Variants in GRIN2A observed in about 807,000 individuals in gnomAD.
GRIN2A encodes the protein glutamate ionotropic receptor NMDA type subunit 2A.
Under a neutral mutation model 113.4 loss-of-function variants are expected in GRIN2A, and 22 were observed. The ratio of observed to expected loss-of-function variants is 0.19; its 90% CI spans 0.14 to 0.28. The LOEUF (loss-of-function observed/expected upper bound fraction) is 0.28, where lower values mean the gene tolerates loss of function less well. GRIN2A is among the 10% of genes least tolerant of loss of function. The probability of loss-of-function intolerance (pLI) is 1.00; values close to 1 mark genes in which losing one functional copy is unlikely to be tolerated. For missense variants in GRIN2A, 1,502 were observed against 1,887.0 expected (o/e 0.80, Z 3.78); for synonymous variants, 827 against 738.4 (o/e 1.12, Z -1.94).
At chr16:9,879,406 TA>T (rs1165157396) in intron 4 of GRIN2A, among the ~76,000 whole-genome samples, 3 of 151,842 alleles carry the variant, frequency 2.0e-5, no homozygotes, top group East Asian at 1.9e-4. Flanking sequence ...GACTTACACC[TA>T]AAAAAAAATT....
At chr16:9,836,570 C>T (rs1235273500) in intron 7 of GRIN2A, among the ~76,000 whole-genome samples, 1 of 152,126 alleles carries the variant, frequency 6.6e-6, no homozygotes, top group Non-Finnish European at 1.5e-5. Context: ...ACATGTCTCC[C>T]CACTTGGAAT....
At chr16:10,064,195 G>C (rs1206227136) in intron 2 of GRIN2A, among the ~76,000 whole-genome samples, 1 of 152,132 alleles carries the variant, frequency 6.6e-6, no homozygotes, top group Admixed American at 6.5e-5. Context: ...TATTCCTTCA[G>C]AATCAGGGGC....
At chr16:9,945,241 G>A (rs1426924728) in intron 2 of GRIN2A, among the ~76,000 whole-genome samples, 1 of 152,024 alleles carries the variant, frequency 6.6e-6, no homozygotes, top group African/African-American at 2.4e-5. Context: ...GGTGGAGAGA[G>A]GAGCCCCACT....
chr16:9,960,626 T>G (rs2045419855), intron 2 of GRIN2A, among the ~76,000 whole-genome samples: 1 of 152,222 alleles, frequency 6.6e-6, no homozygotes, highest in Non-Finnish European at 1.5e-5. Flanking sequence ...ACTTTATTTT[T>G]ATTTATGTAT....
intron 2 of GRIN2A, among the ~76,000 whole-genome samples, chr16:10,044,198 T>C (rs1234349507): frequency 6.6e-6 from 1 of 151,746 alleles, no homozygotes; most frequent in Non-Finnish European, 1.5e-5. Context: ...CATGCCCAGC[T>C]AATTTTTGTA....
intron 4 of GRIN2A, among the ~76,000 whole-genome samples, chr16:9,871,218 C>T (rs963427688): frequency 1.3e-5 from 2 of 152,104 alleles, no homozygotes; most frequent in Non-Finnish European, 2.9e-5. Flanking sequence ...AACCACCAAG[C>T]CTCATTCACA....
At chr16:10,026,856 G>C (rs3848334) in intron 2 of GRIN2A, among the ~76,000 whole-genome samples, 109,679 of 152,064 alleles carry the variant, frequency 0.72, 41,101 homozygotes, top group Non-Finnish European at 0.84. Flanking sequence ...ACCTCAGGAA[G>C]AACTGCACTT....
At chr16:10,098,762 A>G (rs2048340776) in intron 2 of GRIN2A, among the ~76,000 whole-genome samples, 1 of 152,202 alleles carries the variant, frequency 6.6e-6, no homozygotes, top group South Asian at 2.1e-4. Context: ...AGCTATGAGA[A>G]TGCAAAGGCA....
At chr16:10,144,505 T>A (rs748982123) in intron 2 of GRIN2A, among the ~76,000 whole-genome samples, 1 of 152,236 alleles carries the variant, frequency 6.6e-6, no homozygotes, top group Non-Finnish European at 1.5e-5. Context: ...TTTTTAATTG[T>A]CCATTTAATA....
At chr16:10,173,778 G>A (rs143856583) in intron 2 of GRIN2A, among the ~76,000 whole-genome samples, 3 of 152,222 alleles carry the variant, frequency 2.0e-5, no homozygotes, top group African/African-American at 7.2e-5. Context: ...TGAAAATCAA[G>A]TTTAAGAAGT....
chr16:9,918,175 G>A (rs999099620), intron 3 of GRIN2A, among the ~76,000 whole-genome samples: 2 of 152,098 alleles, frequency 1.3e-5, no homozygotes, highest in African/African-American at 2.4e-5. Context: ...ATATTTAGTT[G>A]CTTGCTCAAA....
chr16:9,883,766 G>A (rs928323513), intron 4 of GRIN2A, among the ~76,000 whole-genome samples: 6 of 152,210 alleles, frequency 3.9e-5, no homozygotes, highest in African/African-American at 1.4e-4. Context: ...ACAGATCTGG[G>A]CTGGAGGGAG....
chr16:9,925,413 G>A (rs1006816339), intron 3 of GRIN2A, among the ~76,000 whole-genome samples: 3 of 152,140 alleles, frequency 2.0e-5, no homozygotes, highest in African/African-American at 7.2e-5. Flanking sequence ...TCACCCTTAT[G>A]TTGAGCAGTA....
intron 5 of GRIN2A, among the ~76,000 whole-genome samples, chr16:9,847,847 C>T (rs931452059): frequency 6.8e-6 from 1 of 148,064 alleles, no homozygotes; most frequent in Non-Finnish European, 1.5e-5. Flanking sequence ...AGGATTTCAA[C>T]TTCAAAGAGG....
intron 2 of GRIN2A, among the ~76,000 whole-genome samples, chr16:9,977,321 C>G (rs2045795370): frequency 6.6e-6 from 1 of 151,866 alleles, no homozygotes. Flanking sequence ...GGAGGGAGGA[C>G]TGACCGGAGT....
At chr16:9,912,052 C>CT (rs2044151595) in intron 3 of GRIN2A, among the ~76,000 whole-genome samples, 1 of 151,936 alleles carries the variant, frequency 6.6e-6, no homozygotes, top group Admixed American at 6.6e-5. Flanking sequence ...TGTGCTGGCA[C>CT]ACAGTGAGCA....
intron 4 of GRIN2A, among the ~76,000 whole-genome samples, chr16:9,886,608 C>T (rs1411555802): frequency 6.6e-6 from 1 of 152,170 alleles, no homozygotes; most frequent in Non-Finnish European, 1.5e-5. Context: ...TTCTTGAGTA[C>T]AGAAAATATT....
chr16:10,007,523 G>A (rs2046426449), intron 2 of GRIN2A, among the ~76,000 whole-genome samples: 1 of 151,982 alleles, frequency 6.6e-6, no homozygotes, highest in South Asian at 2.1e-4. Flanking sequence ...TAAATATTCT[G>A]GTTATTAATC....
At chr16:10,128,149 T>C (rs771671991) in intron 2 of GRIN2A, among the ~76,000 whole-genome samples, 1 of 152,178 alleles carries the variant, frequency 6.6e-6, no homozygotes, top group East Asian at 1.9e-4. Flanking sequence ...CATGATTCCG[T>C]AGGAAGATCA....
Sources: allele counts gnomAD v4.1 joint callset (sites outside exome capture counted in the v4.1 genomes callset), GRCh38; gene constraint gnomAD v4.1.1; transcripts MANE v1.5; gene names NCBI Gene and HGNC (gene_info 2026-07-23, HGNC 2026-07-21).